ST7L: variants seen among roughly 807,000 people sequenced by gnomAD.
ST7L encodes suppression of tumorigenicity 7 like.
ST7L carries 57 observed loss-of-function variants against 72.5 expected under a neutral mutation model. That is an observed-to-expected ratio of 0.79 (90% confidence interval 0.64 to 0.98). ST7L has a LOEUF of 0.98. Among genes scored for constraint, ST7L ranks in the 50% least tolerant of loss-of-function variants. The probability of loss-of-function intolerance (pLI) is 0.00; values close to 1 mark genes in which losing one functional copy is unlikely to be tolerated. For missense variants in ST7L, 576 were observed against 672.2 expected, an observed-to-expected ratio of 0.86 and a Z score of 1.58; for synonymous variants, 221 against 240.9, an observed-to-expected ratio of 0.92 and a Z score of 0.77.
In ST7L at chr1:112,604,857, G is replaced by A. The variant is rs556723538; in HGVS notation, c.452-4009C>T. Among the ~76,000 whole-genome samples the A allele has an allele frequency of 4.6e-5, 7 of 150,738 alleles. No homozygotes were observed. In the South Asian group the frequency reaches 8.4e-4, roughly 18 times the overall value. Reference sequence around the variant, plus strand: ...TCCTAGCACTTTGGGAGGCCAAGGCGGGTGGATCACCTGAGGTCAGGTGTT... The same window carrying A: ...TCCTAGCACTTTGGGAGGCCAAGGCAGGTGGATCACCTGAGGTCAGGTGTT... On this transcript the variant is annotated intron_variant, in intron 3 of 14. Coordinates refer to ENST00000358039, the MANE Select transcript of ST7L (RefSeq NM_017744.5).
At chr1:112,520,776 T>A (rs1309669537), downstream of ST7L, 4 of 507,520 alleles carry the variant, frequency 7.9e-6, no homozygotes, top group Non-Finnish European at 1.1e-5. Context: ...AGGGGGTCTT[T>A]AGAGTGAAAT....
rs750254556 is a variant in ST7L at position 112,610,838 on chromosome 1, C to A, written c.451+3G>T. 2 of 1,613,266 alleles carry A rather than the reference C, an allele frequency of 1.2e-6. No individual in the cohort carries two copies. Among genetic ancestry groups the A allele is most frequent in the East Asian group, 4.5e-5 (2 of 44,862 alleles). On this transcript the variant is annotated splice_donor_region_variant and intron_variant, in intron 3 of 14. Coordinates refer to ENST00000358039, the MANE Select transcript of ST7L (RefSeq NM_017744.5). ...TCTGAAAACACATTAGAAAAGTAGT[C>A]ACCTGACAAATTCTGTCTGCTGGTT...
At chr1:112,535,361 G>C (rs1655005832) in intron 14 of ST7L, among the ~76,000 whole-genome samples, 1 of 151,838 alleles carries the variant, frequency 6.6e-6, no homozygotes. Context: ...AACAGAGGCA[G>C]ACTCTGTCTC....
intron 14 of ST7L, among the ~76,000 whole-genome samples, chr1:112,533,451 T>C (rs1391499510): frequency 2.6e-5 from 4 of 152,204 alleles, no homozygotes; most frequent in South Asian, 4.1e-4. Context: ...CCCAAGTAGC[T>C]GGGACTACAG....
intron 2 of ST7L, among the ~76,000 whole-genome samples, chr1:112,614,060 C>CAT (rs1053929445): frequency 2.6e-5 from 4 of 152,078 alleles, no homozygotes; most frequent in African/African-American, 9.7e-5. Flanking sequence ...TTTTAGACAT[C>CAT]ATATATATAA....
upstream of ST7L, chr1:112,619,155 G>A (rs764912423): frequency 6.3e-7 from 1 of 1,591,592 alleles, no homozygotes; most frequent in South Asian, 1.1e-5. Context: ...AGGGGAGAAG[G>A]ACAGGAAACC....
chr1:112,558,705 G>C (rs1436163808), intron 11 of ST7L, among the ~76,000 whole-genome samples: 1 of 152,178 alleles, frequency 6.6e-6, no homozygotes, highest in African/African-American at 2.4e-5. Flanking sequence ...TTGTGTCCTG[G>C]TCAAGCAAAG....
intron 12 of ST7L, among the ~76,000 whole-genome samples, chr1:112,552,908 A>G (rs1658464105): frequency 6.6e-6 from 1 of 152,098 alleles, no homozygotes; most frequent in Admixed American, 6.6e-5. Context: ...GTTCAAGACC[A>G]GCCTGGGCAA....
chr1:112,589,985 G>A (rs1416570485), intron 6 of ST7L, among the ~76,000 whole-genome samples: 1 of 152,192 alleles, frequency 6.6e-6, no homozygotes, highest in Non-Finnish European at 1.5e-5. Flanking sequence ...AAGCTTTCTG[G>A]TTTGTCTATT....
chr1:112,580,732 G>C (rs1360110386), intron 9 of ST7L, among the ~76,000 whole-genome samples: 1 of 152,128 alleles, frequency 6.6e-6, no homozygotes, highest in Non-Finnish European at 1.5e-5. Flanking sequence ...AGACCATCCT[G>C]GCCAACATGG....
At chr1:112,603,406 A>G (rs773474608) in intron 3 of ST7L, among the ~76,000 whole-genome samples, 1 of 152,248 alleles carries the variant, frequency 6.6e-6, no homozygotes, top group Non-Finnish European at 1.5e-5. Flanking sequence ...CACTGCAACT[A>G]AACTTTCAGA....
chr1:112,556,031 C>A lies in ST7L; in HGVS notation c.1246-13G>T. The A allele has an allele frequency of 6.4e-7, 1 of 1,565,482 alleles. No individual in the cohort carries two copies. Among genetic ancestry groups the A allele is most frequent in the East Asian group, 2.3e-5 (1 of 44,094 alleles). ...TCTCTAATAAATACTGAAAGAGTAACACACAGACACATATACACACAACAG... is the reference window on the plus strand; with the variant it reads ...TCTCTAATAAATACTGAAAGAGTAAAACACAGACACATATACACACAACAG... On this transcript the variant is annotated splice_polypyrimidine_tract_variant and intron_variant, in intron 11 of 14. Coordinates refer to ENST00000358039, the MANE Select transcript of ST7L (RefSeq NM_017744.5).
At chr1:112,518,894 C>G (rs139387353), downstream of ST7L, among the ~76,000 whole-genome samples, 1,171 of 152,330 alleles carry the variant, frequency 7.7e-3, 17 homozygotes, top group African/African-American at 0.027. Flanking sequence ...TTTCCTATCT[C>G]TGTTGTCCAA....
intron 2 of ST7L, among the ~76,000 whole-genome samples, chr1:112,612,159 T>G (rs1043668515): frequency 3.3e-5 from 5 of 152,096 alleles, no homozygotes; most frequent in African/African-American, 1.2e-4. Flanking sequence ...TACAGTGGCA[T>G]GATCACAGCT....
At chr1:112,619,311 G>A (rs1213943679), upstream of ST7L, 2 of 612,388 alleles carry the variant, frequency 3.3e-6, no homozygotes, top group Non-Finnish European at 5.8e-6. Flanking sequence ...GGGCAGGGAA[G>A]GGGCGGACAG....
rs771194963 is a variant in ST7L at position 112,584,024 on chromosome 1, A to G, written c.804T>C (p.Tyr268=). ...KQALKAGETI[Y]RQSQQCQHQS... is the part of the protein sequence containing the mutation. ...GGTGCTGGCACTGCTGTGACTGCCTATAAATTGTTTCTCCTGCCTTGAGTG... is the reference window on the plus strand; with the variant it reads ...GGTGCTGGCACTGCTGTGACTGCCTGTAAATTGTTTCTCCTGCCTTGAGTG... Residue 268 remains tyrosine (Y), a synonymous_variant, in exon 7 of 15, where the codon TAT becomes TAC. Coordinates refer to ENST00000358039, the MANE Select transcript of ST7L (RefSeq NM_017744.5). The G allele has an allele frequency of 1.9e-6, 3 of 1,614,190 alleles. No individual in the cohort carries two copies. The highest frequency in any genetic ancestry group is 2.2e-5 in the East Asian group (1 of 44,878).
chr1:112,541,940 A>G lies in ST7L; in HGVS notation c.1629+11T>C, dbSNP rs770296665. ...CAAATAATCTACACAAGTCCTTGAG[A>G]TCATACTTACAGCTTTAGCAAAAAT... On this transcript the variant is annotated intron_variant, in intron 14 of 14. Transcript: ENST00000358039. 1 of 1,612,916 alleles carries G rather than the reference A, an allele frequency of 6.2e-7. No homozygotes were observed. Among genetic ancestry groups the G allele is most frequent in the Admixed American group, 1.7e-5 (1 of 59,736 alleles).
At chr1:112,573,844 A>C (rs1306840790) in intron 11 of ST7L, among the ~76,000 whole-genome samples, 1 of 151,066 alleles carries the variant, frequency 6.6e-6, no homozygotes, top group Admixed American at 6.6e-5. Flanking sequence ...CAGTGGGCCA[A>C]GATCACACCA....
intron 14 of ST7L, among the ~76,000 whole-genome samples, chr1:112,538,255 G>C (rs1229250269): frequency 1.6e-4 from 25 of 152,226 alleles, no homozygotes; most frequent in Admixed American, 6.5e-5. Context: ...AACAGGTTCT[G>C]TTCTACAAGG....
Sources: allele counts gnomAD v4.1 joint callset (sites outside exome capture counted in the v4.1 genomes callset), GRCh38; gene constraint gnomAD v4.1.1; transcripts MANE v1.5; gene names NCBI Gene and HGNC (gene_info 2026-07-23, HGNC 2026-07-21).